Variants in PBX1 observed in about 807,000 individuals in gnomAD.
PBX1 encodes pre-B-cell leukemia transcription factor 1.
A neutral mutation model predicts 53.4 loss-of-function variants in PBX1; 6 were observed. The observed-to-expected ratio is 0.11, with a 90% CI of 0.06 to 0.22. The LOEUF is 0.22. Among genes scored for constraint, PBX1 ranks in the 10% least tolerant of loss-of-function variants. The pLI, the probability that PBX1 is intolerant of heterozygous loss-of-function variation, is 1.00. For missense variants in PBX1, 251 were observed against 551.4 expected (o/e 0.46, Z 5.46); for synonymous variants, 204 against 212.3 (o/e 0.96, Z 0.34).
At chr1:164,788,858 G>A (rs981872893) in intron 2 of PBX1, among the ~76,000 whole-genome samples, 1 of 143,842 alleles carries the variant, frequency 7.0e-6, no homozygotes, top group African/African-American at 2.6e-5. Context: ...CAATATTTAT[G>A]CCGTGGTGCA....
intron 2 of PBX1, among the ~76,000 whole-genome samples, chr1:164,725,736 A>G (rs940089792): frequency 2.9e-4 from 44 of 152,158 alleles, no homozygotes; most frequent in Non-Finnish European, 4.1e-4. Flanking sequence ...TTATGCTCCT[A>G]TAATGTCTGG....
At chr1:164,599,003 C>T (rs543873356) in intron 2 of PBX1, among the ~76,000 whole-genome samples, 12 of 152,048 alleles carry the variant, frequency 7.9e-5, no homozygotes, top group South Asian at 2.1e-4. Flanking sequence ...TGACCAACCC[C>T]GCCCTGCTGA....
At chr1:164,579,978 A>C (rs534559868) in intron 2 of PBX1, among the ~76,000 whole-genome samples, 2 of 152,140 alleles carry the variant, frequency 1.3e-5, no homozygotes, top group Non-Finnish European at 2.9e-5. Flanking sequence ...TGACTTGGAG[A>C]TTTTACTTGG....
chr1:164,567,070 CTTA>C (rs1653484910), intron 2 of PBX1, among the ~76,000 whole-genome samples: 1 of 152,070 alleles, frequency 6.6e-6, no homozygotes, highest in East Asian at 1.9e-4. Context: ...GACACCCTCC[CTTA>C]TTATTCTCGC....
rs548362203 is a variant in PBX1 at position 164,675,877 on chromosome 1, G to A, written c.265+112566G>A. The stretch of plus-strand genomic sequence containing the variant: ...GGTTTTAGACTTTTTGTGCATGCCC[G>A]TGTTCTGTGTGGACTGTGTGCCAGG... On this transcript the variant is annotated intron_variant, in intron 2 of 8. Coordinates refer to ENST00000420696, the MANE Select transcript of PBX1 (RefSeq NM_002585.4). Among the ~76,000 whole-genome samples the A allele has an allele frequency of 2.2e-4, 33 of 152,222 alleles. No homozygotes were observed. In the South Asian group the frequency reaches 3.7e-3, roughly 17 times the overall value.
At chr1:164,858,167 C>G (rs1049486695) in intron 2 of PBX1, among the ~76,000 whole-genome samples, 10 of 152,012 alleles carry the variant, frequency 6.6e-5, no homozygotes, top group African/African-American at 2.4e-4. Flanking sequence ...TTCTTATTCA[C>G]TTTTCCACTG....
At chr1:164,801,466 A>G (rs1306631155) in intron 4 of PBX1, among the ~76,000 whole-genome samples, 1 of 151,390 alleles carries the variant, frequency 6.6e-6, no homozygotes, top group Non-Finnish European at 1.5e-5. Context: ...AAAAAAAAAA[A>G]CAATTGGCTC....
At chr1:164,595,331 T>TG (rs1394155623) in intron 2 of PBX1, among the ~76,000 whole-genome samples, 1 of 152,192 alleles carries the variant, frequency 6.6e-6, no homozygotes, top group Non-Finnish European at 1.5e-5. Flanking sequence ...AAAATTGCTC[T>TG]GGTGAGCCAA....
At chr1:164,560,414 A>G (rs1340614219) in intron 1 of PBX1, 1 of 390,814 alleles carries the variant, frequency 2.6e-6, no homozygotes, top group Non-Finnish European at 4.5e-6. Context: ...TGTTGAGGGG[A>G]CTCTGTAACA....
At chr1:164,672,025 G>GT (rs1381134361) in intron 2 of PBX1, among the ~76,000 whole-genome samples, 1 of 135,014 alleles carries the variant, frequency 7.4e-6, no homozygotes, top group Admixed American at 8.5e-5. Flanking sequence ...TACTCTGGTT[G>GT]TTTTTCTTTC....
chr1:164,691,932 TA>T (rs1257806504), intron 2 of PBX1, among the ~76,000 whole-genome samples: 1 of 152,214 alleles, frequency 6.6e-6, no homozygotes, highest in African/African-American at 2.4e-5. Flanking sequence ...ACAAAATCAT[TA>T]AAGTGTTATA....
chr1:164,767,859 A>C (rs1172661485), intron 2 of PBX1, among the ~76,000 whole-genome samples: 1 of 152,224 alleles, frequency 6.6e-6, no homozygotes, highest in Admixed American at 6.5e-5. Context: ...ACAATTAAGC[A>C]AAACATGAAA....
intron 2 of PBX1, among the ~76,000 whole-genome samples, chr1:164,859,326 A>C (rs984211092): frequency 6.6e-6 from 1 of 152,186 alleles, no homozygotes; most frequent in African/African-American, 2.4e-5. Context: ...CTGCATAGCC[A>C]TATGGACTGG....
intron 2 of PBX1, chr1:164,674,566 A>G (rs565595515): frequency 2.6e-5 from 4 of 152,312 alleles, no homozygotes; most frequent in Non-Finnish European, 4.4e-5. Flanking sequence ...TGGGCATGGA[A>G]TGTCCTGGAT....
intron 2 of PBX1, among the ~76,000 whole-genome samples, chr1:164,871,691 G>A (rs1271261233): frequency 1.3e-5 from 2 of 152,018 alleles, no homozygotes; most frequent in Admixed American, 1.3e-4. Context: ...GGAACCTGTG[G>A]GGAGCCTGTG....
intron 3 of PBX1, among the ~76,000 whole-genome samples, chr1:164,798,349 T>G (rs1365723372): frequency 6.6e-6 from 1 of 152,272 alleles, no homozygotes; most frequent in African/African-American, 2.4e-5. Context: ...TCTTTAACTC[T>G]CAAAGCATCA....
intron 2 of PBX1, among the ~76,000 whole-genome samples, chr1:164,645,692 A>ACAC (rs1302243082): frequency 7.9e-5 from 12 of 152,308 alleles, no homozygotes; most frequent in Admixed American, 4.6e-4. Flanking sequence ...CAACACGTAC[A>ACAC]CACAGATATA....
chr1:164,578,410 A>G (rs1210157574), intron 2 of PBX1, among the ~76,000 whole-genome samples: 1 of 152,232 alleles, frequency 6.6e-6, no homozygotes, highest in Non-Finnish European at 1.5e-5. Context: ...TTTGAGAAAT[A>G]CCGTTCAACA....
intron 2 of PBX1, among the ~76,000 whole-genome samples, chr1:164,737,946 T>C (rs1665389586): frequency 6.6e-6 from 1 of 152,178 alleles, no homozygotes; most frequent in Non-Finnish European, 1.5e-5. Context: ...TTGCTATTTA[T>C]AAGCTCTTCT....
Sources: gnomAD v4.1 joint callset for allele counts (sites outside exome capture counted in the v4.1 genomes callset) on GRCh38, gnomAD v4.1.1 for gene constraint, MANE v1.5 for transcripts, NCBI Gene and HGNC (gene_info 2026-07-23, HGNC 2026-07-21) for gene names.